SHLD2: variants seen among roughly 807,000 people sequenced by gnomAD.
SHLD2 encodes the protein RINN1-REV7-interacting novel NHEJ regulator 2.
SHLD2 carries 30 observed loss-of-function variants against 73.2 expected under a neutral mutation model. That is an observed-to-expected ratio of 0.41 (90% CI 0.31 to 0.56). SHLD2 has a LOEUF of 0.56. Ranked by LOEUF, SHLD2 falls within the 20% of genes least tolerant of loss-of-function variation. The pLI is 0.28. For synonymous variants in SHLD2, 285 were observed against 370.1 expected (o/e 0.77, Z 2.64); for missense variants, 745 against 1,055.9 (o/e 0.71, Z 4.08).
At chr10:87,148,005 G>A (rs1845744261) in intron 2 of SHLD2, among the ~76,000 whole-genome samples, 1 of 151,864 alleles carries the variant, frequency 6.6e-6, no homozygotes, top group Non-Finnish European at 1.5e-5. Context: ...TTACAGGTGC[G>A]TGCCACCACA....
At chr10:87,117,560 G>C (rs1296235634) in intron 2 of SHLD2, among the ~76,000 whole-genome samples, 1 of 152,344 alleles carries the variant, frequency 6.6e-6, no homozygotes, top group Middle Eastern at 3.4e-3. Flanking sequence ...TTGGGAGGCC[G>C]AGGTGGGCAG....
chr10:87,143,989 G>A (rs538937220), intron 2 of SHLD2, among the ~76,000 whole-genome samples: 1 of 150,786 alleles, frequency 6.6e-6, no homozygotes, highest in Non-Finnish European at 1.5e-5. Flanking sequence ...TCAGCCTCCT[G>A]AGTAGTGGGA....
chr10:87,129,612 A>G lies in SHLD2; in HGVS notation c.-5-21738A>G, dbSNP rs1844282323. On this transcript the variant is annotated intron_variant, in intron 2 of 9. Coordinates refer to ENST00000298786, the MANE Select transcript of SHLD2 (RefSeq NM_001330112.2). Reference sequence around the variant, plus strand: ...TAAATTTTCCTAAGTTTAATTTCCAAGGGCTCTTTGGAAAAGTATCGATTT... The same window carrying G: ...TAAATTTTCCTAAGTTTAATTTCCAGGGGCTCTTTGGAAAAGTATCGATTT... Among the ~76,000 whole-genome samples, 3 of 152,230 alleles carry G rather than the reference A, an allele frequency of 2.0e-5. No homozygotes were observed. The South Asian group carries it at 6.2e-4, about 32-fold the overall frequency.
intron 2 of SHLD2, among the ~76,000 whole-genome samples, chr10:87,124,922 T>A (rs1328655741): frequency 6.6e-6 from 1 of 152,038 alleles, no homozygotes; most frequent in African/African-American, 2.4e-5. Context: ...TTTTTTATTT[T>A]TTGTAGAGAC....
chr10:87,186,707 AAC>A (rs1848642772), intron 8 of SHLD2, among the ~76,000 whole-genome samples: 1 of 152,214 alleles, frequency 6.6e-6, no homozygotes, highest in Admixed American at 6.5e-5. Context: ...TGATATGCAA[AAC>A]AGTTTATTTC....
intron 2 of SHLD2, among the ~76,000 whole-genome samples, chr10:87,101,266 C>G (rs539063573): frequency 6.6e-6 from 1 of 151,908 alleles, no homozygotes; most frequent in Admixed American, 6.6e-5. Context: ...GAGTCTATAC[C>G]CTTGTGTATA....
chr10:87,129,598 A>G (rs1453540055), intron 2 of SHLD2, among the ~76,000 whole-genome samples: 1 of 151,846 alleles, frequency 6.6e-6, no homozygotes, highest in Non-Finnish European at 1.5e-5. Flanking sequence ...AAATTTTCCT[A>G]AGTTTAATTT....
chr10:87,168,617 A>T (rs572175708), intron 4 of SHLD2, among the ~76,000 whole-genome samples: 4,831 of 150,940 alleles, frequency 0.032, 115 homozygotes, highest in Non-Finnish European at 0.046. Context: ...TAAATAAATA[A>T]ATAAATAAAT....
intron 2 of SHLD2, among the ~76,000 whole-genome samples, chr10:87,111,218 G>A (rs1842899830): frequency 6.6e-6 from 1 of 152,050 alleles, no homozygotes; most frequent in Admixed American, 6.6e-5. Flanking sequence ...CTGGAGTACA[G>A]TGGCGCCATC....
intron 2 of SHLD2, among the ~76,000 whole-genome samples, chr10:87,118,244 C>T (rs1029233934): frequency 8.5e-5 from 13 of 152,100 alleles, no homozygotes; most frequent in Non-Finnish European, 1.5e-4. Context: ...AGCATTTCCC[C>T]ATCTTGTTTG....
At position 87,102,080 on chromosome 10, in the gene SHLD2, G is replaced by T. The variant is rs373371401; in HGVS notation, c.-6+5091G>T. On this transcript the variant is annotated intron_variant, in intron 2 of 9. Coordinates refer to ENST00000298786, the MANE Select transcript of SHLD2 (RefSeq NM_001330112.2). The stretch of plus-strand genomic sequence containing the variant: ...TTTTCTTGCCTAATGCTCCTCATTA[G>T]TTTTCAATGTTGCATAGTATTTTAT... Among the ~76,000 whole-genome samples the T allele has an allele frequency of 1.4e-4, 21 of 152,200 alleles. No individual in the cohort carries two copies. In the East Asian group the frequency reaches 3.7e-3, roughly 27 times the overall value.
intron 7 of SHLD2, among the ~76,000 whole-genome samples, chr10:87,179,199 A>G (rs2134680081): frequency 6.6e-6 from 1 of 152,346 alleles, no homozygotes; most frequent in East Asian, 1.9e-4. Flanking sequence ...TGGTGAATGG[A>G]TGAGCCATTA....
intron 8 of SHLD2, among the ~76,000 whole-genome samples, chr10:87,181,504 T>C (rs1848313569): frequency 6.6e-6 from 1 of 152,226 alleles, no homozygotes; most frequent in Non-Finnish European, 1.5e-5. Flanking sequence ...TTCTATTCAA[T>C]ATAAGCATTT....
rs59414161 is a variant in SHLD2 at position 87,140,419 on chromosome 10, C to CAA, written c.-5-10916_-5-10915dup. ...TGGGCAACAGAGTGAGAACCTATCT[C>CAA]AAAAAAAAAAAAAAAAGAAAAAAAT... On this transcript the variant is annotated intron_variant, in intron 2 of 9. Coordinates refer to ENST00000298786, the MANE Select transcript of SHLD2 (RefSeq NM_001330112.2). 6.9e-3 allele frequency among the ~76,000 whole-genome samples: 704 copies of CAA among 102,250 alleles called. 2 individuals carry two copies. Among genetic ancestry groups the CAA allele is most frequent in the African/African-American group, 0.02 (567 of 28,674 alleles). 67.1% of individuals were successfully genotyped at this position (102,250 alleles called of 152,430 possible).
chr10:87,105,766 T>G, intron 2 of SHLD2, among the ~76,000 whole-genome samples: 1 of 152,232 alleles, frequency 6.6e-6, no homozygotes, highest in East Asian at 1.9e-4. Context: ...CTAAGTTCTA[T>G]GGAGAAACAG....
At chr10:87,157,154 C>A (rs910806927) in intron 3 of SHLD2, among the ~76,000 whole-genome samples, 1 of 152,100 alleles carries the variant, frequency 6.6e-6, no homozygotes, top group African/African-American at 2.4e-5. Context: ...CAGGTTTGGA[C>A]ATTGCTGAGT....
intron 2 of SHLD2, among the ~76,000 whole-genome samples, chr10:87,148,428 C>A (rs1845775185): frequency 1.3e-5 from 2 of 152,022 alleles, no homozygotes; most frequent in African/African-American, 4.8e-5. Flanking sequence ...GTATTGAAAA[C>A]TGACCTTTGG....
Position 87,151,860 on chromosome 10 carries a change from A to T in SHLD2, c.506A>T (p.Gln169Leu), listed in dbSNP as rs1398380566. ...CGKNFNTNLF[Q>L]LGHKCAAVLD... ...AAGAACTTTAACACAAATTTGTTTC[A>T]GTTGGGCCATAAATGTGCAGCTGTG... is the stretch of plus-strand genomic sequence containing the variant. Residue 169 changes from glutamine to leucine, a missense_variant, in exon 3 of 10, where the codon CAG (glutamine) becomes CTG (leucine). This residue lies in a region of SHLD2 where 280 missense variants were observed against 353.9 expected (regional missense o/e 0.79). Transcript: ENST00000298786. The T allele has an allele frequency of 6.2e-7, 1 of 1,611,674 alleles. No homozygotes were observed. Among genetic ancestry groups the T allele is most frequent in the South Asian group, 1.1e-5 (1 of 90,978 alleles).
chr10:87,180,904 G>A (rs2134697797), intron 8 of SHLD2, among the ~76,000 whole-genome samples: 1 of 152,116 alleles, frequency 6.6e-6, no homozygotes, highest in Non-Finnish European at 1.5e-5. Context: ...TCTAAATATT[G>A]CGGTATCTAA....
Sources: gnomAD v4.1 joint callset for allele counts (sites outside exome capture counted in the v4.1 genomes callset) on GRCh38, gnomAD v4.1.1 for gene constraint, gnomAD v4.1.1 regional missense constraint, MANE v1.5 for transcripts, NCBI Gene and HGNC (gene_info 2026-07-23, HGNC 2026-07-21) for gene names.